CLSTN2: variants seen among roughly 807,000 people sequenced by gnomAD.
CLSTN2 encodes the protein calsyntenin-2.
In CLSTN2, 48 loss-of-function variants were observed where a neutral mutation model predicts 101.2. That is an observed-to-expected ratio of 0.47 (90% confidence interval 0.38 to 0.60). The LOEUF is 0.60. Ranked by LOEUF, CLSTN2 falls within the 20% of genes least tolerant of loss-of-function variation. The pLI, the probability that CLSTN2 is intolerant of heterozygous loss-of-function variation, is 0.00. For synonymous variants in CLSTN2, 481 were observed against 463.6 expected (o/e 1.04, Z -0.48); for missense variants, 1,160 against 1,238.2 (o/e 0.94, Z 0.95).
chr3:140,224,383 AT>A (rs926295707), intron 2 of CLSTN2, among the ~76,000 whole-genome samples: 2 of 152,208 alleles, frequency 1.3e-5, no homozygotes, highest in African/African-American at 4.8e-5. Context: ...TCTGGTTATT[AT>A]TTTTTAGTCA....
intron 2 of CLSTN2, among the ~76,000 whole-genome samples, chr3:140,202,691 T>C (rs2107842118): frequency 6.6e-6 from 1 of 152,224 alleles, no homozygotes; most frequent in Middle Eastern, 3.4e-3. Context: ...CATTCAGATG[T>C]TCAAGAGAAG....
At chr3:140,267,253 CT>C (rs1199392973) in intron 2 of CLSTN2, among the ~76,000 whole-genome samples, 1 of 152,170 alleles carries the variant, frequency 6.6e-6, no homozygotes, top group Non-Finnish European at 1.5e-5. Context: ...AACCTCATAT[CT>C]TTCCTTAAAA....
At chr3:140,565,277 G>A (rs938607692) in intron 16 of CLSTN2, among the ~76,000 whole-genome samples, 4 of 152,186 alleles carry the variant, frequency 2.6e-5, no homozygotes, top group Non-Finnish European at 4.4e-5. Context: ...AGACCTTGAA[G>A]AGTGGGTAGG....
At chr3:140,109,281 A>G (rs931444575) in intron 1 of CLSTN2, among the ~76,000 whole-genome samples, 2 of 152,150 alleles carry the variant, frequency 1.3e-5, no homozygotes, top group Non-Finnish European at 2.9e-5. Context: ...AAATCCAGGT[A>G]TTACTGTAGA....
Position 140,564,123 on chromosome 3 carries a change from C to T in CLSTN2, c.2645C>T (p.Thr882Ile), listed in dbSNP as rs746334520. The change falls in exon 16 of 17, where the codon ACT becomes ATT. Residue 882 changes from threonine to isoleucine, a missense_variant. Coordinates refer to ENST00000458420, the MANE Select transcript of CLSTN2 (RefSeq NM_022131.3). ...ATGGACTGGGACGATTCTGCGCTGA[C>T]TATCACAGTCAACCCCATGGAGGTG... is the stretch of plus-strand genomic sequence containing the variant. ...SEMDWDDSAL[T>I]ITVNPMEKHE... 5 of 1,614,098 alleles carry T rather than the reference C, an allele frequency of 3.1e-6. 1 individual carries two copies. Among genetic ancestry groups the T allele is most frequent in the Middle Eastern group, 3.3e-4 (2 of 6,056 alleles).
intron 2 of CLSTN2, among the ~76,000 whole-genome samples, chr3:140,397,230 T>C (rs2088192562): frequency 6.6e-6 from 1 of 152,176 alleles, no homozygotes. Flanking sequence ...TTTTATTGCC[T>C]TCAACCTGTT....
At chr3:140,044,029 AACTTT>A (rs1455178987) in intron 1 of CLSTN2, among the ~76,000 whole-genome samples, 3 of 152,204 alleles carry the variant, frequency 2.0e-5, no homozygotes, top group Non-Finnish European at 4.4e-5. Flanking sequence ...GTTCCATATG[AACTTT>A]ACTTAAAGTA....
intron 1 of CLSTN2, among the ~76,000 whole-genome samples, chr3:140,139,254 T>A (rs887388677): frequency 6.6e-6 from 1 of 152,176 alleles, no homozygotes; most frequent in African/African-American, 2.4e-5. Context: ...CTACTAAGCA[T>A]CTCTTGGCAT....
chr3:140,288,343 G>A (rs2086917179), intron 2 of CLSTN2, among the ~76,000 whole-genome samples: 1 of 152,140 alleles, frequency 6.6e-6, no homozygotes, highest in African/African-American at 2.4e-5. Flanking sequence ...TGGGTTATAT[G>A]CCAGGATGAG....
chr3:139,981,429 C>G (rs1280249970), intron 1 of CLSTN2, among the ~76,000 whole-genome samples: 1 of 152,196 alleles, frequency 6.6e-6, no homozygotes, highest in African/African-American at 2.4e-5. Context: ...TTTGAAAGCA[C>G]AGACCTCATG....
At chr3:140,038,807 G>A (rs1278282041) in intron 1 of CLSTN2, among the ~76,000 whole-genome samples, 1 of 152,036 alleles carries the variant, frequency 6.6e-6, no homozygotes, top group Non-Finnish European at 1.5e-5. Flanking sequence ...ATTGTTCCTA[G>A]TCTTCTCATT....
chr3:140,466,846 T>G (rs1477988626), intron 8 of CLSTN2, 115 bp downstream of exon 8: 1 of 1,430,580 alleles, frequency 7.0e-7, no homozygotes, highest in East Asian at 2.4e-5. Context: ...TTGCTGAATT[T>G]TGGAAAAATC....
At chr3:140,437,945 T>C (rs1200386875) in intron 5 of CLSTN2, among the ~76,000 whole-genome samples, 1 of 152,160 alleles carries the variant, frequency 6.6e-6, no homozygotes, top group East Asian at 1.9e-4. Context: ...TCGTATTTAT[T>C]CCCCCACATC....
At chr3:140,257,269 A>G (rs2086611893) in intron 2 of CLSTN2, among the ~76,000 whole-genome samples, 1 of 152,244 alleles carries the variant, frequency 6.6e-6, no homozygotes, top group Non-Finnish European at 1.5e-5. Flanking sequence ...TTAGGGGATT[A>G]AATTTATCTA....
rs144474068 is a variant in CLSTN2 at position 140,223,957 on chromosome 3, G to T, written c.232+47884G>T. Among the ~76,000 whole-genome samples the T allele has an allele frequency of 2.0e-4, 30 of 152,250 alleles. No homozygotes were observed. In the East Asian group the frequency reaches 4.4e-3, roughly 23 times the overall value. Reference sequence around the variant, plus strand: ...TGTGCCGTCCTCTGTAGTGAAGAAGGTTCTAGACATGTGTTTTCTCTCCAG... The same window carrying T: ...TGTGCCGTCCTCTGTAGTGAAGAAGTTTCTAGACATGTGTTTTCTCTCCAG... On this transcript the variant is annotated intron_variant, in intron 2 of 16. Coordinates refer to ENST00000458420, the MANE Select transcript of CLSTN2 (RefSeq NM_022131.3).
At chr3:140,079,454 A>G (rs1030584165) in intron 1 of CLSTN2, among the ~76,000 whole-genome samples, 5 of 152,224 alleles carry the variant, frequency 3.3e-5, no homozygotes, top group African/African-American at 1.2e-4. Context: ...ACTGTAGAAA[A>G]GAATACCAGG....
At chr3:140,218,604 T>G (rs992791247) in intron 2 of CLSTN2, among the ~76,000 whole-genome samples, 2 of 152,224 alleles carry the variant, frequency 1.3e-5, no homozygotes, top group Non-Finnish European at 2.9e-5. Flanking sequence ...TCCTGATTTT[T>G]ACATATCAGC....
chr3:140,136,556 A>T (rs1232480534), intron 1 of CLSTN2, among the ~76,000 whole-genome samples: 1 of 152,168 alleles, frequency 6.6e-6, no homozygotes, highest in Admixed American at 6.5e-5. Context: ...TGGATACTTG[A>T]CCCAAAGTGT....
intron 2 of CLSTN2, among the ~76,000 whole-genome samples, chr3:140,212,163 G>A (rs1476153553): frequency 6.6e-6 from 1 of 152,200 alleles, no homozygotes; most frequent in African/African-American, 2.4e-5. Flanking sequence ...ACAGGTGCTT[G>A]CTGTGAGCAT....
Sources: gnomAD v4.1 joint callset for allele counts (sites outside exome capture counted in the v4.1 genomes callset) on GRCh38, gnomAD v4.1.1 for gene constraint, MANE v1.5 for transcripts, NCBI Gene and HGNC (gene_info 2026-07-23, HGNC 2026-07-21) for gene names.